TNIK: variants seen among roughly 807,000 people sequenced by gnomAD.
The protein encoded by TNIK is TRAF2 and NCK-interacting protein kinase.
TNIK carries 49 observed loss-of-function variants against 191.3 expected under a neutral mutation model. The observed-to-expected ratio is 0.26, with a 90% CI of 0.20 to 0.32. TNIK has a LOEUF of 0.32. Ranked by LOEUF, TNIK falls within the 10% of genes least tolerant of loss-of-function variation. The pLI, the probability that TNIK is intolerant of heterozygous loss-of-function variation, is 1.00. For synonymous variants in TNIK, 594 were observed against 600.9 expected (o/e 0.99, Z 0.17); for missense variants, 1,155 against 1,702.3 (o/e 0.68, Z 5.66).
At chr3:171,419,429 G>T (rs1723483606) in intron 1 of TNIK, among the ~76,000 whole-genome samples, 1 of 152,172 alleles carries the variant, frequency 6.6e-6, no homozygotes, top group South Asian at 2.1e-4. Flanking sequence ...CTGTACTGAT[G>T]GTTGCACAGC....
At chr3:171,382,353 T>A (rs1718160106) in intron 1 of TNIK, among the ~76,000 whole-genome samples, 1 of 152,020 alleles carries the variant, frequency 6.6e-6, no homozygotes, top group South Asian at 2.1e-4. Flanking sequence ...CTGAAGTAGT[T>A]AAGATTACAG....
At chr3:171,170,657 A>G (rs1258298728) in intron 9 of TNIK, among the ~76,000 whole-genome samples, 1 of 152,200 alleles carries the variant, frequency 6.6e-6, no homozygotes, top group African/African-American at 2.4e-5. Flanking sequence ...TGTGTTTGCT[A>G]TTATGATGAT....
chr3:171,173,379 G>A (rs367636476), intron 9 of TNIK, among the ~76,000 whole-genome samples: 2 of 144,132 alleles, frequency 1.4e-5, no homozygotes, highest in South Asian at 4.5e-4. Context: ...CTGGGCGACA[G>A]AGCGAGACTC....
chr3:171,349,725 C>A (rs967663126), intron 2 of TNIK, among the ~76,000 whole-genome samples: 1 of 152,180 alleles, frequency 6.6e-6, no homozygotes, highest in African/African-American at 2.4e-5. Context: ...CCATTTCAGT[C>A]ATGTTTTGAT....
chr3:171,427,180 T>G (rs1724752353), intron 1 of TNIK, among the ~76,000 whole-genome samples: 3 of 152,190 alleles, frequency 2.0e-5, no homozygotes, highest in African/African-American at 7.2e-5. Context: ...CAGATAGGTC[T>G]ACTTCATACC....
At chr3:171,074,030 C>CTTT (rs71176590) in intron 28 of TNIK, among the ~76,000 whole-genome samples, 3 of 145,346 alleles carry the variant, frequency 2.1e-5, no homozygotes, top group East Asian at 2.0e-4. Context: ...AGGAAAATAA[C>CTTT]TTTTTTTTTT....
At chr3:171,126,715 C>T (rs1035950069) in intron 16 of TNIK, among the ~76,000 whole-genome samples, 9 of 152,204 alleles carry the variant, frequency 5.9e-5, no homozygotes, top group Non-Finnish European at 8.8e-5. Context: ...AGGCATTCTA[C>T]ACCCATAGCT....
chr3:171,155,722 G>A (rs1441017312), intron 12 of TNIK, among the ~76,000 whole-genome samples: 1 of 152,224 alleles, frequency 6.6e-6, no homozygotes, highest in African/African-American at 2.4e-5. Flanking sequence ...GCGAGCATCT[G>A]TTGGCCACAG....
chr3:171,128,887 C>CAA lies in TNIK; in HGVS notation c.1609-11_1609-10dup, dbSNP rs59293515. On this transcript the variant is annotated splice_polypyrimidine_tract_variant and intron_variant, in intron 15 of 32. Coordinates refer to ENST00000436636, the MANE Select transcript of TNIK (RefSeq NM_015028.4). The stretch of plus-strand genomic sequence containing the variant: ...CTTGACCGTTCTTCTACCTACAACC[C>CAA]AAAAAAAAAAAAAAAAAAAAGACAG... 4.1e-3 allele frequency: 5,076 copies of CAA among 1,237,724 alleles called. 55 individuals carry two copies. Among genetic ancestry groups the CAA allele is most frequent in the African/African-American group, 0.022 (1,077 of 49,124 alleles). 76.7% of individuals were successfully genotyped at this position (1,237,724 alleles called of 1,614,324 possible). A position where few individuals can be genotyped will look rare whatever the true frequency, so the allele number is the denominator to read the frequency against.
At position 171,101,578 on chromosome 3, in the gene TNIK, C is replaced by T. The variant is rs201399947; in HGVS notation, c.2462G>A (p.Arg821His). The T allele has an allele frequency of 2.9e-4, 463 of 1,613,058 alleles. 4 individuals are homozygous for T. Among genetic ancestry groups the T allele is most frequent in the Non-Finnish European group, 1.4e-4 (166 of 1,179,476 alleles). ...LRELRIEETNRPMKKVTDYSS... is the reference protein window; with the variant it reads ...LRELRIEETNHPMKKVTDYSS... ...GTAATCAGTCACCTTCTTCATTGGG[C>T]GGTTTGTTTCTTCAATCCGGAGTTC... Residue 821 changes from arginine to histidine, a missense_variant, in exon 22 of 33, where the codon CGC becomes CAC. This residue lies in a region of TNIK where 735 missense variants were observed against 848.0 expected (regional missense o/e 0.87). Coordinates refer to ENST00000436636, the MANE Select transcript of TNIK (RefSeq NM_015028.4).
At chr3:171,073,333 C>T (rs1362646671) in intron 28 of TNIK, among the ~76,000 whole-genome samples, 1 of 151,972 alleles carries the variant, frequency 6.6e-6, no homozygotes, top group African/African-American at 2.4e-5. Context: ...TAGCCATATG[C>T]AGAAGAATGA....
chr3:171,080,447 T>TTTA (rs1560080925), intron 27 of TNIK, among the ~76,000 whole-genome samples: 31 of 120,152 alleles, frequency 2.6e-4, no homozygotes, highest in African/African-American at 1.1e-3. Flanking sequence ...TTATTTATTT[T>TTTA]TTTTTGAGAC....
rs145274060 is a variant in TNIK at position 171,060,987 on chromosome 3, C to CA, written c.*2893dup. On this transcript the variant is annotated 3_prime_UTR_variant, in exon 33 of 33. Transcript: ENST00000436636. ...AATAAAATGAGCCAATTTCTAGAGACAAAATCACCTATAAAAAGATCAGAA... is the reference window on the plus strand; with the variant it reads ...AATAAAATGAGCCAATTTCTAGAGACAAAAATCACCTATAAAAAGATCAGAA... Among the ~76,000 whole-genome samples, 287 of 152,136 alleles carry CA rather than the reference C, an allele frequency of 1.9e-3. No homozygotes were observed. Among genetic ancestry groups the CA allele is most frequent in the Non-Finnish European group, 3.3e-3 (223 of 68,004 alleles).
At chr3:171,246,565 CAT>C (rs1328064958) in intron 2 of TNIK, among the ~76,000 whole-genome samples, 5 of 152,186 alleles carry the variant, frequency 3.3e-5, no homozygotes, top group African/African-American at 1.2e-4. Context: ...TATTATTTAA[CAT>C]AGGCAGCATC....
rs374690090 is a variant in TNIK, at chr3:171,219,542, GA to G, written c.181-8302del. On this transcript the variant is annotated intron_variant, in intron 3 of 32. Coordinates refer to ENST00000436636, the MANE Select transcript of TNIK (RefSeq NM_015028.4). ...ATTAAAGTCAGTAGGCTTCAAATGA[GA>G]AAGAACTTTTAATGAAGGAAAAATA... is the stretch of plus-strand genomic sequence containing the variant. 2.7e-4 allele frequency among the ~76,000 whole-genome samples: 41 copies of G among 151,858 alleles called. 1 individual carries two copies. The highest frequency in any genetic ancestry group is 9.4e-4 in the African/African-American group (39 of 41,406).
intron 1 of TNIK, among the ~76,000 whole-genome samples, chr3:171,434,591 A>T (rs566357981): frequency 2.3e-4 from 35 of 152,092 alleles, no homozygotes; most frequent in African/African-American, 8.4e-4. Flanking sequence ...CTGAGAAGCT[A>T]AGACTACAGG....
intron 10 of TNIK, among the ~76,000 whole-genome samples, chr3:171,163,372 T>A (rs1039894405): frequency 3.3e-5 from 5 of 152,162 alleles, no homozygotes; most frequent in African/African-American, 1.2e-4. Flanking sequence ...AAACTGCAAT[T>A]TAGTTATGTT....
intron 1 of TNIK, among the ~76,000 whole-genome samples, chr3:171,374,838 T>C (rs191465723): frequency 3.9e-5 from 6 of 152,176 alleles, no homozygotes; most frequent in African/African-American, 1.4e-4. Context: ...GCATTTTTCA[T>C]GAATAGCTCA....
chr3:171,247,592 C>A (rs984436653), intron 2 of TNIK, among the ~76,000 whole-genome samples: 3 of 152,074 alleles, frequency 2.0e-5, no homozygotes, highest in African/African-American at 7.2e-5. Flanking sequence ...GAAGACTGGG[C>A]TTCAGGAGGT....
Sources: gnomAD v4.1 joint callset for allele counts (sites outside exome capture counted in the v4.1 genomes callset) on GRCh38, gnomAD v4.1.1 for gene constraint, gnomAD v4.1.1 regional missense constraint, MANE v1.5 for transcripts, NCBI Gene and HGNC (gene_info 2026-07-23, HGNC 2026-07-21) for gene names.